The following ABHD12 variants were observed in gnomAD, a reference collection of about 807,000 sequenced individuals.
ABHD12 encodes the protein lysophosphatidylserine lipase ABHD12.
A neutral mutation model predicts 58.3 loss-of-function variants in ABHD12; 43 were observed. The observed-to-expected ratio is 0.74, with a 90% CI of 0.58 to 0.95. ABHD12 has a LOEUF of 0.95. Among genes scored for constraint, ABHD12 ranks in the 40% least tolerant of loss-of-function variants. The probability of loss-of-function intolerance (pLI) is 0.00; values close to 1 mark genes in which losing one functional copy is unlikely to be tolerated. For synonymous variants in ABHD12, 219 were observed against 211.2 expected (o/e 1.04, Z -0.32); for missense variants, 539 against 537.2 (o/e 1.00, Z -0.03).
intron 1 of ABHD12, among the ~76,000 whole-genome samples, chr20:25,376,167 A>G (rs2146120117): frequency 6.6e-6 from 1 of 152,284 alleles, no homozygotes; most frequent in South Asian, 2.1e-4. Context: ...AGTTTTCATC[A>G]ACTCCTTCAT....
chr20:25,349,002 T>A (rs1600836082), intron 1 of ABHD12, among the ~76,000 whole-genome samples: 1 of 149,920 alleles, frequency 6.7e-6, no homozygotes, highest in African/African-American at 2.5e-5. Context: ...GAGAATGGTG[T>A]GATCCTGGGA....
chr20:25,328,439 C>T (rs1185408766), intron 2 of ABHD12, among the ~76,000 whole-genome samples: 2 of 152,254 alleles, frequency 1.3e-5, no homozygotes, highest in Non-Finnish European at 2.9e-5. Flanking sequence ...CCAAATCCTG[C>T]CTCTGACGCT....
intron 1 of ABHD12, among the ~76,000 whole-genome samples, chr20:25,363,332 C>T (rs142286183): frequency 9.2e-4 from 139 of 151,412 alleles, no homozygotes; most frequent in African/African-American, 3.3e-3. Flanking sequence ...GATTCTCCTG[C>T]CTCAGCCTCC....
At chr20:25,368,072 AT>A (rs1329887595) in intron 1 of ABHD12, among the ~76,000 whole-genome samples, 3 of 152,124 alleles carry the variant, frequency 2.0e-5, no homozygotes, top group African/African-American at 7.2e-5. Flanking sequence ...ATTTTTTGTT[AT>A]TTTGTTTTTA....
At chr20:25,375,879 T>C (rs1373939603) in intron 1 of ABHD12, among the ~76,000 whole-genome samples, 2 of 152,146 alleles carry the variant, frequency 1.3e-5, no homozygotes, top group Non-Finnish European at 2.9e-5. Flanking sequence ...TCCCAGCACT[T>C]TGGGAGGCCA....
At chr20:25,328,367 A>G (rs1275477839) in intron 2 of ABHD12, among the ~76,000 whole-genome samples, 1 of 152,152 alleles carries the variant, frequency 6.6e-6, no homozygotes, top group Admixed American at 6.5e-5. Context: ...TAGCCTCCTC[A>G]ATACAACTCT....
chr20:25,378,698 T>TC (rs1491274378), intron 1 of ABHD12, among the ~76,000 whole-genome samples: 3 of 25,088 alleles, frequency 1.2e-4, no homozygotes, highest in African/African-American at 2.5e-4. Flanking sequence ...TAATTTGAAC[T>TC]TTTTTTTTTT....
chr20:25,360,291 A>AGT (rs2089729350), intron 1 of ABHD12, among the ~76,000 whole-genome samples: 1 of 114,864 alleles, frequency 8.7e-6, no homozygotes, highest in African/African-American at 3.4e-5. Flanking sequence ...CCCAGCCTGG[A>AGT]GTGCAGTGGT....
downstream of ABHD12, chr20:25,298,044 TA>T (rs2088577927): frequency 1.3e-5 from 2 of 152,172 alleles, no homozygotes; most frequent in Non-Finnish European, 2.9e-5. Context: ...ACTAACTAAC[TA>T]ACTGCAGGTG....
intron 1 of ABHD12, among the ~76,000 whole-genome samples, chr20:25,354,528 G>A (rs754557388): frequency 6.6e-6 from 1 of 152,160 alleles, no homozygotes; most frequent in African/African-American, 2.4e-5. Flanking sequence ...CATAAGCCAC[G>A]TGTTACAGAT....
At chr20:25,329,009 G>A (rs549413154) in intron 2 of ABHD12, among the ~76,000 whole-genome samples, 3 of 152,328 alleles carry the variant, frequency 2.0e-5, no homozygotes, top group African/African-American at 7.2e-5. Context: ...GTTGGCGTGC[G>A]CAGGGTCACA....
At chr20:25,355,997 G>A (rs1287205358) in intron 1 of ABHD12, among the ~76,000 whole-genome samples, 1 of 152,220 alleles carries the variant, frequency 6.6e-6, no homozygotes, top group Non-Finnish European at 1.5e-5. Flanking sequence ...CTGATGGACA[G>A]ACACAGAGTC....
chr20:25,341,773 G>A lies in ABHD12; in HGVS notation c.192-2422C>T, dbSNP rs184424177. Reference sequence around the variant, plus strand: ...AGAAACTGGGTATAATGTGAGAGGCGGGAAGAGGACCAGAAAGACTCAGGA... The same window carrying A: ...AGAAACTGGGTATAATGTGAGAGGCAGGAAGAGGACCAGAAAGACTCAGGA... On this transcript the variant is annotated intron_variant, in intron 1 of 12. Transcript: ENST00000339157. 7.0e-3 allele frequency among the ~76,000 whole-genome samples: 1,071 copies of A among 152,172 alleles called. 6 individuals carry two copies. Among genetic ancestry groups the A allele is most frequent in the Non-Finnish European group, 0.012 (788 of 68,004 alleles).
At position 25,339,324 on chromosome 20, in the gene ABHD12, C is replaced by T; in HGVS notation, c.219G>A (p.Arg73=). 2 of 1,614,134 alleles carry T rather than the reference C, an allele frequency of 1.2e-6. No homozygotes were observed. The highest frequency in any genetic ancestry group is 1.7e-6 in the Non-Finnish European group (2 of 1,180,032). Residue 73 remains arginine, a synonymous_variant, in exon 2 of 13, where the codon AGG becomes AGA. Coordinates refer to ENST00000339157, the MANE Select transcript of ABHD12 (RefSeq NM_001042472.3). The part of the protein sequence containing the change: ...GRRKGVWLRL[R]KILFCVLGLY... The stretch of plus-strand genomic sequence containing the variant: ...ACCCCAAAACACAGAAAAGTATCTT[C>T]CTCAGGCGCAACCACACGCCCTTTC...
chr20:25,340,769 G>A (rs547148147), intron 1 of ABHD12, among the ~76,000 whole-genome samples: 64 of 152,302 alleles, frequency 4.2e-4, no homozygotes, highest in Non-Finnish European at 7.4e-4. Flanking sequence ...ATAATTCCAC[G>A]TCTAAAATTC....
chr20:25,342,842 C>A (rs936240494), intron 1 of ABHD12, among the ~76,000 whole-genome samples: 2 of 152,150 alleles, frequency 1.3e-5, no homozygotes, highest in Non-Finnish European at 2.9e-5. Context: ...ACCATCTTGG[C>A]CTTCCAAAGG....
At chr20:25,303,694 C>T in intron 10 of ABHD12, 66 bp from the exon 11 acceptor site, 1 of 1,604,858 alleles carries the variant, frequency 6.2e-7, no homozygotes, top group Non-Finnish European at 8.5e-7. Context: ...ACCCTCTGTC[C>T]ATGGCAGGGA....
chr20:25,296,386 C>T, downstream of ABHD12: 1 of 1,614,032 alleles, frequency 6.2e-7, no homozygotes, highest in Non-Finnish European at 8.5e-7. Flanking sequence ...AAGGAGTGGA[C>T]CAAGAAGGTC....
intron 2 of ABHD12, among the ~76,000 whole-genome samples, chr20:25,331,873 G>A (rs995437720): frequency 2.8e-4 from 42 of 151,930 alleles, no homozygotes; most frequent in African/African-American, 9.4e-4. Flanking sequence ...AAAGACCATC[G>A]AGACTAGGAA....
Sources: gnomAD v4.1 joint callset for allele counts (sites outside exome capture counted in the v4.1 genomes callset) on GRCh38, gnomAD v4.1.1 for gene constraint, MANE v1.5 for transcripts, NCBI Gene and HGNC (gene_info 2026-07-23, HGNC 2026-07-21) for gene names.